Variants in PDE4B observed in about 807,000 individuals in gnomAD.
PDE4B encodes the protein 3',5'-cyclic-AMP phosphodiesterase 4B.
Under a neutral mutation model 82.2 loss-of-function variants are expected in PDE4B, and 20 were observed. That is an observed-to-expected ratio of 0.24 (90% CI 0.17 to 0.35). The LOEUF is 0.35. Ranked by LOEUF, PDE4B falls within the 10% of genes least tolerant of loss-of-function variation. The pLI, the probability that PDE4B is intolerant of heterozygous loss-of-function variation, is 1.00. For synonymous variants in PDE4B, 320 were observed against 318.9 expected (o/e 1.00, Z -0.04); for missense variants, 655 against 907.2 (o/e 0.72, Z 3.57).
intron 3 of PDE4B, among the ~76,000 whole-genome samples, chr1:66,210,955 C>T (rs1163426724): frequency 6.6e-6 from 1 of 152,118 alleles, no homozygotes; most frequent in African/African-American, 2.4e-5. Flanking sequence ...AGTCCTCAAC[C>T]TGGGTGGGAT....
rs185281924 is a variant in PDE4B, at chr1:66,114,338, C to G, written c.282-133122C>G. On this transcript the variant is annotated intron_variant, in intron 3 of 16. Transcript: ENST00000341517. Reference sequence around the variant, plus strand: ...GAACAGACTAAGACATGAATTCTATCTCAAAGATGAGGAAACTAAAGTTGA... The same window carrying G: ...GAACAGACTAAGACATGAATTCTATGTCAAAGATGAGGAAACTAAAGTTGA... 1.3e-3 allele frequency among the ~76,000 whole-genome samples: 199 copies of G among 152,244 alleles called. 3 individuals are homozygous for G. The East Asian group carries it at 0.029, about 22-fold the overall frequency.
chr1:66,078,100 T>C (rs1656522680), intron 3 of PDE4B, among the ~76,000 whole-genome samples: 1 of 152,168 alleles, frequency 6.6e-6, no homozygotes, highest in African/African-American at 2.4e-5. Context: ...AATTGAGTAG[T>C]AGAGATACTG....
intron 3 of PDE4B, among the ~76,000 whole-genome samples, chr1:66,240,853 A>G (rs1652838345): frequency 1.3e-5 from 2 of 152,184 alleles, no homozygotes; most frequent in East Asian, 1.9e-4. Flanking sequence ...TCACAACTTC[A>G]TTTCTGTGGG....
intron 3 of PDE4B, chr1:66,094,557 T>G (rs1645080610): frequency 6.6e-6 from 1 of 152,022 alleles, no homozygotes; most frequent in Admixed American, 6.6e-5. Context: ...GATTTAGTCC[T>G]TTAAAAACTA....
chr1:66,000,154 G>A (rs1651784683), intron 3 of PDE4B, among the ~76,000 whole-genome samples: 2 of 152,092 alleles, frequency 1.3e-5, no homozygotes, highest in Non-Finnish European at 2.9e-5. Context: ...TTATTTATTT[G>A]GTTTTTCTTC....
rs769082100 is a variant in PDE4B, at chr1:66,247,550, T to C, written c.372T>C (p.Phe124=). ...CTGGGCTGGTACTTCACGCCACCTT[T>C]CCTGGGCACAGCCAGCGCAGAGAGT... The part of the protein sequence containing the change: ...SSAGLVLHAT[F]PGHSQRRESF... The change falls in exon 4 of 17, where the codon TTT becomes TTC. Residue 124 remains phenylalanine, a synonymous_variant. Coordinates refer to ENST00000341517, the MANE Select transcript of PDE4B (RefSeq NM_002600.4). The C allele has an allele frequency of 2.5e-5, 40 of 1,612,736 alleles. No homozygotes were observed. The highest frequency in any genetic ancestry group is 3.3e-5 in the Non-Finnish European group (39 of 1,179,360).
intron 1 of PDE4B, among the ~76,000 whole-genome samples, chr1:65,821,238 CT>C (rs1272683605): frequency 6.6e-6 from 1 of 152,316 alleles, no homozygotes; most frequent in Admixed American, 6.5e-5. Context: ...AACTGTCAGT[CT>C]TTTTTATTCT....
chr1:66,215,565 C>T (rs187467492), intron 3 of PDE4B, among the ~76,000 whole-genome samples: 2 of 152,204 alleles, frequency 1.3e-5, no homozygotes, highest in Admixed American at 1.3e-4. Flanking sequence ...ATATTCTACC[C>T]TCAGCTGTAC....
chr1:66,030,296 A>G (rs1319888280), intron 3 of PDE4B, among the ~76,000 whole-genome samples: 1 of 152,178 alleles, frequency 6.6e-6, no homozygotes, highest in Non-Finnish European at 1.5e-5. Flanking sequence ...CATCAGGGAT[A>G]TTGACCTGAA....
At chr1:66,187,475 G>A (rs1332828492) in intron 3 of PDE4B, among the ~76,000 whole-genome samples, 1 of 152,006 alleles carries the variant, frequency 6.6e-6, no homozygotes, top group Admixed American at 6.6e-5. Flanking sequence ...GACTCTTTTT[G>A]GTTGGTAAGC....
chr1:66,247,503 G>A lies in PDE4B; in HGVS notation c.325G>A (p.Asp109Asn). 1 of 1,603,330 alleles carries A rather than the reference G, an allele frequency of 6.2e-7. No homozygotes were observed. Among genetic ancestry groups the A allele is most frequent in the East Asian group, 2.2e-5 (1 of 44,732 alleles). Residue 109 changes from aspartate (D) to asparagine (N), a missense_variant, in exon 4 of 17, where the codon GAT becomes AAT. Asp to Asn is a conservative substitution (Grantham distance 23). Around this residue, in one of 3 missense-constraint regions of PDE4B, gnomAD observed 253 missense variants for 275.6 expected, o/e 0.92. Coordinates refer to ENST00000341517, the MANE Select transcript of PDE4B (RefSeq NM_002600.4). ...NGPSPGRSPL[D>N]PQASSSAGLV... ...CCCTTCCCCAGGTCGGAGTCCACTGGATCCCCAGGCCAGCTCTTCCGCTGG... is the reference window on the plus strand; with the variant it reads ...CCCTTCCCCAGGTCGGAGTCCACTGAATCCCCAGGCCAGCTCTTCCGCTGG...
chr1:66,342,999 C>T (rs1009541252), intron 8 of PDE4B, among the ~76,000 whole-genome samples: 63 of 151,962 alleles, frequency 4.1e-4, no homozygotes, highest in Non-Finnish European at 2.8e-4. Flanking sequence ...GCACCAAGAT[C>T]GCACTACTGC....
At chr1:65,974,089 A>G (rs1650284427) in intron 3 of PDE4B, among the ~76,000 whole-genome samples, 1 of 152,160 alleles carries the variant, frequency 6.6e-6, no homozygotes, top group African/African-American at 2.4e-5. Context: ...CTGGAATTAC[A>G]GGTGTGAGCC....
At chr1:66,144,967 C>G (rs1323137524) in intron 3 of PDE4B, among the ~76,000 whole-genome samples, 1 of 152,206 alleles carries the variant, frequency 6.6e-6, no homozygotes, top group Non-Finnish European at 1.5e-5. Context: ...TGCATCCCAT[C>G]AAAATTCTAA....
chr1:66,128,286 A>C (rs1645865179), intron 3 of PDE4B, among the ~76,000 whole-genome samples: 1 of 152,186 alleles, frequency 6.6e-6, no homozygotes, highest in African/African-American at 2.4e-5. Context: ...CTCTCCTTGG[A>C]GATTTTTCCA....
intron 3 of PDE4B, among the ~76,000 whole-genome samples, chr1:66,135,663 C>A (rs1364236228): frequency 2.0e-5 from 3 of 152,112 alleles, no homozygotes; most frequent in Non-Finnish European, 4.4e-5. Flanking sequence ...GATACACATT[C>A]AGATGCTGGA....
chr1:65,818,084 G>A (rs1557762125), intron 1 of PDE4B, among the ~76,000 whole-genome samples: 1 of 152,050 alleles, frequency 6.6e-6, no homozygotes, highest in Non-Finnish European at 1.5e-5. Flanking sequence ...TCCTTCAGCA[G>A]CCTTCTAATT....
At chr1:66,306,962 A>C (rs1658324420) in intron 7 of PDE4B, among the ~76,000 whole-genome samples, 1 of 152,176 alleles carries the variant, frequency 6.6e-6, no homozygotes, top group South Asian at 2.1e-4. Context: ...ATCTAAATGA[A>C]AATAACATTT....
intron 3 of PDE4B, among the ~76,000 whole-genome samples, chr1:65,966,823 A>T (rs1000156161): frequency 4.6e-5 from 7 of 151,696 alleles, no homozygotes; most frequent in Non-Finnish European, 1.0e-4. Flanking sequence ...TTGGGAAAAC[A>T]GGCTAGCCAT....
Sources: gnomAD v4.1 joint callset for allele counts (sites outside exome capture counted in the v4.1 genomes callset) on GRCh38, gnomAD v4.1.1 for gene constraint, gnomAD v4.1.1 regional missense constraint, MANE v1.5 for transcripts, NCBI Gene and HGNC (gene_info 2026-07-23, HGNC 2026-07-21) for gene names.